ELSPBP1: variants seen among roughly 807,000 people sequenced by gnomAD.
The protein encoded by ELSPBP1 is epididymal sperm-binding protein 1.
A neutral mutation model predicts 33.3 loss-of-function variants in ELSPBP1; 38 were observed. That is an observed-to-expected ratio of 1.14 (90% CI 0.88 to 1.50). The LOEUF is 1.50. ELSPBP1 is among the 40% of genes most tolerant of loss of function. ELSPBP1 has a pLI of 0.00. For missense variants in ELSPBP1, 267 were observed against 263.5 expected (o/e 1.01, Z -0.09); for synonymous variants, 85 against 94.1 (o/e 0.90, Z 0.56).
chr19:47,998,882 G>C (rs1392578725), intron 1 of ELSPBP1, among the ~76,000 whole-genome samples: 1 of 152,018 alleles, frequency 6.6e-6, no homozygotes, highest in Non-Finnish European at 1.5e-5. Flanking sequence ...TACAAGTCCA[G>C]TAAACACACC....
chr19:48,020,923 T>G (rs543396276), intron 5 of ELSPBP1, among the ~76,000 whole-genome samples: 6 of 151,282 alleles, frequency 4.0e-5, no homozygotes, highest in Non-Finnish European at 5.9e-5. Context: ...GGTGGGGGGG[T>G]GTGTTGTTCC....
chr19:48,008,861 C>T (rs573475564), intron 2 of ELSPBP1, 124 bp downstream of exon 2: 27 of 830,496 alleles, frequency 3.3e-5, no homozygotes, highest in East Asian at 3.2e-4. Flanking sequence ...AGAAGCTGGG[C>T]GCGGTGGCTG....
intron 6 of ELSPBP1, 188 bp downstream of exon 6, chr19:48,022,522 C>T (rs149660200): frequency 8.6e-4 from 395 of 457,914 alleles, no homozygotes; most frequent in African/African-American, 5.7e-3. Flanking sequence ...GCAATGCGGG[C>T]TCCTGTTGTC....
Position 48,006,277 on chromosome 19 carries a change from T to C in ELSPBP1, c.-17-2374T>C, listed in dbSNP as rs79550188. Among the ~76,000 whole-genome samples the C allele has an allele frequency of 5.9e-5, 9 of 152,248 alleles. No homozygotes were observed. The East Asian group carries it at 1.7e-3, about 29-fold the overall frequency. On this transcript the variant is annotated intron_variant, in intron 1 of 6. Transcript: ENST00000339841. ...CATCATAACAAGGCTGAGTGGTAGA[T>C]AGGATTAGCATCCTCATGTTTTGAC...
chr19:48,007,050 G>A (rs1186608662), intron 1 of ELSPBP1, among the ~76,000 whole-genome samples: 2 of 152,094 alleles, frequency 1.3e-5, no homozygotes, highest in African/African-American at 4.8e-5. Flanking sequence ...CGGTATCTGG[G>A]TTTCTTGCTA....
In ELSPBP1 at chr19:48,013,329, C is replaced by T. The variant is rs1726897067; in HGVS notation, c.71-842C>T. On this transcript the variant is annotated intron_variant, in intron 2 of 6. Transcript: ENST00000339841. ...CTGGCCCCAACATGAACTGGATATGCTCTGACATGTCATTAGGAAATTGGA... is the reference window on the plus strand; with the variant it reads ...CTGGCCCCAACATGAACTGGATATGTTCTGACATGTCATTAGGAAATTGGA... 2.0e-5 allele frequency among the ~76,000 whole-genome samples: 3 copies of T among 152,190 alleles called. No homozygotes were observed. In the South Asian group the frequency reaches 6.2e-4, roughly 31 times the overall value.
chr19:48,022,026 G>A (rs1209978390), intron 5 of ELSPBP1, 144 bp from the exon 6 acceptor site: 6 of 702,380 alleles, frequency 8.5e-6, no homozygotes, highest in Non-Finnish European at 1.4e-5. Context: ...GGGATTAAAT[G>A]CGCGCGATTA....
rs982372823 is a variant in ELSPBP1, at chr19:47,998,029, C to T, written c.-18+3218C>T. Among the ~76,000 whole-genome samples the T allele has an allele frequency of 3.9e-5, 6 of 152,168 alleles. No homozygotes were observed. The South Asian group carries it at 1.2e-3, about 32-fold the overall frequency. Reference sequence around the variant, plus strand: ...CACAGATGCAGTGTCTTGCTGAGAACTACAAGGCTCTGACCTAGGTTTGCT... The same window carrying T: ...CACAGATGCAGTGTCTTGCTGAGAATTACAAGGCTCTGACCTAGGTTTGCT... On this transcript the variant is annotated intron_variant, in intron 1 of 6. Transcript: ENST00000339841.
intron 2 of ELSPBP1, 102 bp downstream of exon 2, chr19:48,008,839 A>G: frequency 9.4e-7 from 1 of 1,067,734 alleles, no homozygotes; most frequent in Non-Finnish European, 1.4e-6. Context: ...ATGGCTTAGC[A>G]AAAATCTCAG....
At chr19:47,997,067 T>C (rs1245101507) in intron 1 of ELSPBP1, among the ~76,000 whole-genome samples, 1 of 152,206 alleles carries the variant, frequency 6.6e-6, no homozygotes, top group Non-Finnish European at 1.5e-5. Context: ...AAGTACCTTA[T>C]TAAATGTCAC....
intron 5 of ELSPBP1, among the ~76,000 whole-genome samples, chr19:48,021,913 A>T (rs1236454839): frequency 1.3e-5 from 2 of 152,026 alleles, no homozygotes; most frequent in Non-Finnish European, 2.9e-5. Flanking sequence ...CCAACTAATT[A>T]AAAAAATTTT....
Position 48,008,738 on chromosome 19 carries a change from G to T in ELSPBP1, c.70+1G>T. ...CTCTATTCCTATGAGTCAAGTGGAG[G>T]TAAGGACACTCAAAGCAACAGGGAG... is the stretch of plus-strand genomic sequence containing the variant. On this transcript the variant is annotated splice_donor_variant, in intron 2 of 6. Coordinates refer to ENST00000339841, the MANE Select transcript of ELSPBP1 (RefSeq NM_022142.5). LOFTEE classifies it high-confidence loss of function. 1.2e-6 allele frequency: 2 copies of T among 1,612,870 alleles called. No individual in the cohort carries two copies. Among genetic ancestry groups the T allele is most frequent in the Non-Finnish European group, 1.7e-6 (2 of 1,179,136 alleles).
chr19:48,008,597 A>G (rs12977319), intron 1 of ELSPBP1, 54 bp from the exon 2 acceptor site: 190,476 of 1,261,334 alleles, frequency 0.15, 15,482 homozygotes, highest in South Asian at 0.22. Context: ...CTAGGAGGTA[A>G]TGGGAAGAGG....
At chr19:48,009,006 A>G (rs11878741) in intron 2 of ELSPBP1, among the ~76,000 whole-genome samples, 25,342 of 151,660 alleles carry the variant, frequency 0.17, 2,181 homozygotes, top group South Asian at 0.23. Context: ...CATGGTGGTG[A>G]GCGCCTGTAA....
At chr19:47,999,380 C>T (rs1966944234) in intron 1 of ELSPBP1, among the ~76,000 whole-genome samples, 1 of 138,244 alleles carries the variant, frequency 7.2e-6, no homozygotes, top group Non-Finnish European at 1.5e-5. Context: ...TACTGAAAGC[C>T]TCATTTCTTT....
intron 1 of ELSPBP1, among the ~76,000 whole-genome samples, chr19:47,996,378 A>G (rs559231204): frequency 4.8e-4 from 73 of 152,320 alleles, no homozygotes; most frequent in African/African-American, 1.6e-3. Flanking sequence ...TATTTGATGA[A>G]TGATTGATGG....
intron 4 of ELSPBP1, among the ~76,000 whole-genome samples, chr19:48,016,654 A>G (rs1967145577): frequency 6.7e-6 from 1 of 149,548 alleles, no homozygotes; most frequent in African/African-American, 2.5e-5. Context: ...GCTGGAGTGC[A>G]GTGGAATGAT....
chr19:47,998,064 AT>A (rs775393750), intron 1 of ELSPBP1, among the ~76,000 whole-genome samples: 212 of 152,280 alleles, frequency 1.4e-3, no homozygotes, highest in Non-Finnish European at 2.5e-3. Context: ...TAGTGTCACC[AT>A]CTTTTCGTTC....
At chr19:48,009,243 T>C (rs1422243909) in intron 2 of ELSPBP1, among the ~76,000 whole-genome samples, 1 of 152,154 alleles carries the variant, frequency 6.6e-6, no homozygotes, top group Non-Finnish European at 1.5e-5. Flanking sequence ...TGAAGTCAAT[T>C]TCCAGACTGT....
Sources: allele counts gnomAD v4.1 joint callset (sites outside exome capture counted in the v4.1 genomes callset), GRCh38; gene constraint gnomAD v4.1.1; transcripts MANE v1.5; gene names NCBI Gene and HGNC (gene_info 2026-07-23, HGNC 2026-07-21).